KCNQ1: variants seen among roughly 807,000 people sequenced by gnomAD.
The protein encoded by KCNQ1 is potassium voltage-gated channel subfamily Q member 1.
Under a neutral mutation model 72.4 loss-of-function variants are expected in KCNQ1, and 49 were observed. The observed-to-expected ratio is 0.68, with a 90% CI of 0.54 to 0.86. The LOEUF is 0.86. Ranked by LOEUF, KCNQ1 falls within the 40% of genes least tolerant of loss-of-function variation. The probability of loss-of-function intolerance (pLI) is 0.00; values close to 1 mark genes in which losing one functional copy is unlikely to be tolerated. For missense variants in KCNQ1, 790 were observed against 945.1 expected, an observed-to-expected ratio of 0.84 and a Z score of 2.15; for synonymous variants, 450 against 412.6, an observed-to-expected ratio of 1.09 and a Z score of -1.10.
chr11:2,653,801 T>A lies in KCNQ1; in HGVS notation c.1394-8160T>A, dbSNP rs938651354. The A allele has an allele frequency of 5.0e-6, 2 of 398,498 alleles. No homozygotes were observed. The highest frequency in any genetic ancestry group is 4.1e-5 in the African/African-American group (2 of 48,638). 24.7% of individuals were successfully genotyped at this position (398,498 alleles called of 1,614,324 possible). On this transcript the variant is annotated intron_variant, in intron 10 of 15. Transcript: ENST00000155840. The surrounding 1 kb of genome is among the most constrained non-coding windows in gnomAD (Gnocchi z 5.3). Reference sequence around the variant, plus strand: ...CTTGGACCTGCAGCTGTACCTCCGATGGCTGAGGCAAGGTCCACAGGGACC... The same window carrying A: ...CTTGGACCTGCAGCTGTACCTCCGAAGGCTGAGGCAAGGTCCACAGGGACC...
chr11:2,540,832 C>T (rs1021740106), intron 2 of KCNQ1, among the ~76,000 whole-genome samples: 1 of 152,330 alleles, frequency 6.6e-6, no homozygotes, highest in Non-Finnish European at 1.5e-5. Context: ...AAGCCAATCC[C>T]TGTTGGGCTG....
intron 11 of KCNQ1, chr11:2,686,900 G>A (rs1327906815): frequency 7.5e-6 from 3 of 398,592 alleles, no homozygotes; most frequent in African/African-American, 6.2e-5. Flanking sequence ...TGAAGATAGA[G>A]GCAACCCAAT....
intron 2 of KCNQ1, among the ~76,000 whole-genome samples, chr11:2,540,075 G>A (rs1847799493): frequency 1.3e-5 from 2 of 152,072 alleles, no homozygotes; most frequent in Non-Finnish European, 2.9e-5. Flanking sequence ...GGAAGTCATT[G>A]GGGGATAATA....
At chr11:2,731,594 A>G (rs1422532057) in intron 11 of KCNQ1, among the ~76,000 whole-genome samples, 1 of 152,214 alleles carries the variant, frequency 6.6e-6, no homozygotes, top group African/African-American at 2.4e-5. Context: ...GCTTGAGGCA[A>G]GCCCTCCGGA....
intron 10 of KCNQ1, chr11:2,646,170 T>A (rs1849662596): frequency 5.0e-6 from 2 of 398,534 alleles, no homozygotes; most frequent in South Asian, 1.3e-4. Flanking sequence ...GCGATCTATA[T>A]AAACTGTGGT....
At chr11:2,644,687 G>T (rs534785123) in intron 10 of KCNQ1, 6 of 398,298 alleles carry the variant, frequency 1.5e-5, no homozygotes, top group South Asian at 1.3e-4. Flanking sequence ...CCAATTTTTT[G>T]ATCTGTCTTT....
chr11:2,620,945 TTTG>T lies in KCNQ1; in HGVS notation c.1393+32094_1393+32096del, dbSNP rs1313864933. ...TGTTTTTTTGTTGTTGTTGTTTTGTTTTGTTTTTTTTTGTCTGTTTTTTGCTTT... is the reference window on the plus strand; with the variant it reads ...TGTTTTTTTGTTGTTGTTGTTTTGTTTTTTTTTTTGTCTGTTTTTTGCTTT... On this transcript the variant is annotated intron_variant, in intron 10 of 15. Transcript: ENST00000155840. The surrounding 1 kb of genome is among the most constrained non-coding windows in gnomAD (Gnocchi z 4.5). 9.8e-6 allele frequency: 3 copies of T among 305,956 alleles called. No homozygotes were observed. The highest frequency in any genetic ancestry group is 1.7e-4 in the Admixed American group (2 of 11,832). The allele number at this position is 305,956 out of a possible 1,614,324, so 19.0% of individuals were successfully genotyped here. A position where few individuals can be genotyped will look rare whatever the true frequency, so the allele number is the denominator to read the frequency against.
At chr11:2,732,053 G>C (rs1008756439) in intron 11 of KCNQ1, among the ~76,000 whole-genome samples, 4 of 152,240 alleles carry the variant, frequency 2.6e-5, no homozygotes, top group Non-Finnish European at 5.9e-5. Context: ...AGGAAACCAG[G>C]CTTGAGTTCC....
Position 2,547,405 on chromosome 11 carries a change from T to C in KCNQ1, c.477+19387T>C, listed in dbSNP as rs1227381697. On this transcript the variant is annotated intron_variant, in intron 2 of 15. Coordinates refer to ENST00000155840, the MANE Select transcript of KCNQ1 (RefSeq NM_000218.3). This position sits in a 1 kb window ranked among gnomAD's most constrained non-coding sequence, Gnocchi z 4.2. Reference sequence around the variant, plus strand: ...GCCACCACACCTGGCTAATTTTTTTTGTATTATTAGTAGAGACGGCGTTTC... The same window carrying C: ...GCCACCACACCTGGCTAATTTTTTTCGTATTATTAGTAGAGACGGCGTTTC... Among the ~76,000 whole-genome samples the C allele has an allele frequency of 1.3e-5, 2 of 152,084 alleles. No homozygotes were observed. The highest frequency in any genetic ancestry group is 2.9e-5 in the Non-Finnish European group (2 of 68,020).
Position 2,664,595 on chromosome 11 carries a change from ACCT to A in KCNQ1, c.1514+2518_1514+2520del, listed in dbSNP as rs1850030522. ...GCCCGCATTGGGGCTGCATTCCTCC[ACCT>A]CCTGCACAGCCCGCCCAGTGATGCC... On this transcript the variant is annotated intron_variant, in intron 11 of 15. Transcript: ENST00000155840. The surrounding 1 kb of genome is among the most constrained non-coding windows in gnomAD (Gnocchi z 5.1). The A allele has an allele frequency of 1.8e-5, 7 of 398,540 alleles. No individual in the cohort carries two copies. Among genetic ancestry groups the A allele is most frequent in the Middle Eastern group, 6.3e-4 (1 of 1,588 alleles). The allele number at this position is 398,540 out of a possible 1,614,324, so 24.7% of individuals were successfully genotyped here.
At chr11:2,589,859 T>C (rs1249928420) in intron 10 of KCNQ1, among the ~76,000 whole-genome samples, 1 of 152,134 alleles carries the variant, frequency 6.6e-6, no homozygotes, top group Non-Finnish European at 1.5e-5. Context: ...ATCCGTCATC[T>C]CGGGACCAGT....
intron 8 of KCNQ1, 58 bp downstream of exon 8, chr11:2,585,365 C>T: frequency 1.4e-6 from 2 of 1,466,780 alleles, no homozygotes; most frequent in South Asian, 1.1e-5. Flanking sequence ...TTGTTGCATC[C>T]AGCCCTCACG....
At chr11:2,739,271 G>T (rs1056409908) in intron 11 of KCNQ1, among the ~76,000 whole-genome samples, 1 of 152,182 alleles carries the variant, frequency 6.6e-6, no homozygotes, top group Non-Finnish European at 1.5e-5. Context: ...CCTGTGTGAG[G>T]TACTGAGAGC....
intron 11 of KCNQ1, among the ~76,000 whole-genome samples, chr11:2,742,069 A>G (rs947476687): frequency 1.3e-5 from 2 of 152,242 alleles, no homozygotes; most frequent in African/African-American, 4.8e-5. Flanking sequence ...GTGCTGCGAC[A>G]TGGTTAGGTT....
At position 2,661,077 on chromosome 11, in the gene KCNQ1, T is replaced by G. The variant is rs1849948056; in HGVS notation, c.1394-884T>G. 2.5e-6 allele frequency: 1 copy of G among 398,240 alleles called. No individual in the cohort carries two copies. Among genetic ancestry groups the G allele is most frequent in the Non-Finnish European group, 4.4e-6 (1 of 226,022 alleles). The allele number at this position is 398,240 out of a possible 1,614,324, so 24.7% of individuals were successfully genotyped here. ...TGACAGGAACAGAGTCACAGTGACATCCCATGTGCATAAAAGCAACTCCCA... is the reference window on the plus strand; with the variant it reads ...TGACAGGAACAGAGTCACAGTGACAGCCCATGTGCATAAAAGCAACTCCCA... On this transcript the variant is annotated intron_variant, in intron 10 of 15. Coordinates refer to ENST00000155840, the MANE Select transcript of KCNQ1 (RefSeq NM_000218.3). The surrounding 1 kb of genome is among the most constrained non-coding windows in gnomAD (Gnocchi z 5.9).
intron 11 of KCNQ1, among the ~76,000 whole-genome samples, chr11:2,700,403 G>A (rs990004214): frequency 1.4e-4 from 21 of 152,180 alleles, no homozygotes; most frequent in African/African-American, 4.8e-4. Context: ...TGAGGACAGC[G>A]GCCGCACCCC....
rs577144870 is a variant in KCNQ1, at chr11:2,562,588, C to T, written c.478-8040C>T. On this transcript the variant is annotated intron_variant, in intron 2 of 15. Coordinates refer to ENST00000155840, the MANE Select transcript of KCNQ1 (RefSeq NM_000218.3). The surrounding 1 kb of genome is among the most constrained non-coding windows in gnomAD (Gnocchi z 7.5). ...ATGGGAGGGGGTGAGACCCTAATCC[C>T]GGGTCCCCACAGCACCCTCAGCCTA... is the stretch of plus-strand genomic sequence containing the variant. 1.6e-4 allele frequency among the ~76,000 whole-genome samples: 24 copies of T among 152,286 alleles called. No individual in the cohort carries two copies. The South Asian group carries it at 2.9e-3, about 18-fold the overall frequency.
chr11:2,513,336 C>G (rs1421947570), intron 1 of KCNQ1, among the ~76,000 whole-genome samples: 1 of 152,202 alleles, frequency 6.6e-6, no homozygotes, highest in Non-Finnish European at 1.5e-5. Context: ...GGAAAGGTTT[C>G]ATGACCTCAA....
intron 10 of KCNQ1, among the ~76,000 whole-genome samples, chr11:2,590,688 C>T (rs1848659909): frequency 6.6e-6 from 1 of 152,264 alleles, no homozygotes; most frequent in Admixed American, 6.5e-5. Flanking sequence ...TCTCAGCCCC[C>T]TTCTTCCATG....
Sources: gnomAD v4.1 joint callset for allele counts (sites outside exome capture counted in the v4.1 genomes callset) on GRCh38, gnomAD v4.1.1 for gene constraint, Gnocchi (gnomAD v3.1) non-coding constraint, MANE v1.5 for transcripts, NCBI Gene and HGNC (gene_info 2026-07-23, HGNC 2026-07-21) for gene names.